The following SPAG17 variants were observed in gnomAD, a reference collection of about 807,000 sequenced individuals.
SPAG17 encodes sperm-associated antigen 17.
SPAG17 carries 169 observed loss-of-function variants against 273.6 expected under a neutral mutation model. The ratio of observed to expected loss-of-function variants is 0.62; its 90% CI spans 0.55 to 0.70. The LOEUF is 0.70. Among genes scored for constraint, SPAG17 ranks in the 30% least tolerant of loss-of-function variants. The pLI is 0.00. For missense variants in SPAG17, 2,557 were observed against 2,627.8 expected (o/e 0.97, Z 0.59); for synonymous variants, 825 against 873.2 (o/e 0.94, Z 0.97).
chr1:118,047,663 A>C (rs1489211746), intron 20 of SPAG17, among the ~76,000 whole-genome samples: 3 of 152,050 alleles, frequency 2.0e-5, no homozygotes, highest in African/African-American at 4.8e-5. Flanking sequence ...GCCAGCACCC[A>C]TGCTCTCCAG....
intron 32 of SPAG17, 143 bp from the exon 33 acceptor site, chr1:117,996,886 A>G (rs1007127888): frequency 5.0e-6 from 4 of 795,306 alleles, no homozygotes; most frequent in Non-Finnish European, 7.7e-6. Context: ...TTGTTTACTA[A>G]GTAGAGACTG....
At position 117,992,519 on chromosome 1, in the gene SPAG17, G is replaced by A. The variant is rs1310071510; in HGVS notation, c.5308C>T (p.Gln1770Ter). 2 of 1,613,626 alleles carry A rather than the reference G, an allele frequency of 1.2e-6. No homozygotes were observed. Among genetic ancestry groups the A allele is most frequent in the Admixed American group, 1.7e-5 (1 of 59,942 alleles). The change falls in exon 36 of 49, where the codon CAG becomes TAG. Residue 1770 changes from glutamine (Q) to a stop codon, truncating the protein, a stop_gained. Coordinates refer to ENST00000336338, the MANE Select transcript of SPAG17 (RefSeq NM_206996.4). LOFTEE classifies it high-confidence loss of function. ...ACCTCATTCTTTATGACCTCATGCT[G>A]AATGAATTGGCGCATCTGTAGCACA... ...PSVLQMRQFI[Q>*]HEVIKNEVKL...
At position 117,953,979 on chromosome 1, in the gene SPAG17, G is replaced by T; in HGVS notation, c.*71C>A. ...CTGGGATGATGGAGTATGTTGTGAT[G>T]ACTTCTTTCCTTTCTCATCCTCTGT... On this transcript the variant is annotated 3_prime_UTR_variant, in exon 49 of 49. Coordinates refer to ENST00000336338, the MANE Select transcript of SPAG17 (RefSeq NM_206996.4). The T allele has an allele frequency of 6.3e-7, 1 of 1,582,068 alleles. No homozygotes were observed. The highest frequency in any genetic ancestry group is 1.1e-5 in the South Asian group (1 of 88,488).
At chr1:118,072,390 T>C (rs746023490) in intron 17 of SPAG17, among the ~76,000 whole-genome samples, 2 of 151,958 alleles carry the variant, frequency 1.3e-5, no homozygotes, top group Non-Finnish European at 2.9e-5. Context: ...GGTATCTAAC[T>C]GGAAAGGAAG....
At chr1:117,982,241 A>ATTTTTT (rs763137879) in intron 42 of SPAG17, among the ~76,000 whole-genome samples, 2 of 132,758 alleles carry the variant, frequency 1.5e-5, no homozygotes, top group South Asian at 2.4e-4. Context: ...CTATCTGCTT[A>ATTTTTT]TTTTTTTTTT....
At chr1:117,966,320 TGATA>T (rs1324095893) in intron 47 of SPAG17, 2 of 237,372 alleles carry the variant, frequency 8.4e-6, no homozygotes, top group Non-Finnish European at 1.6e-5. Context: ...AATTTTTTTG[TGATA>T]GATACTTGCT....
chr1:117,988,073 AC>A, intron 39 of SPAG17, 31 bp downstream of exon 39: 1 of 1,549,508 alleles, frequency 6.5e-7, no homozygotes, highest in Non-Finnish European at 8.7e-7. Context: ...CATACCTAAT[AC>A]TAATTAGAAC....
intron 24 of SPAG17, among the ~76,000 whole-genome samples, chr1:118,036,313 A>G (rs1649066145): frequency 6.6e-6 from 1 of 152,078 alleles, no homozygotes; most frequent in African/African-American, 2.4e-5. Context: ...AGCACACTGA[A>G]CCGTTCTATA....
intron 18 of SPAG17, among the ~76,000 whole-genome samples, chr1:118,066,300 A>G (rs1474268937): frequency 6.6e-6 from 1 of 152,136 alleles, no homozygotes; most frequent in Non-Finnish European, 1.5e-5. Context: ...ACTAACCCCT[A>G]GGCTCTCAGT....
At chr1:117,999,398 TC>T (rs1428399231) in intron 32 of SPAG17, among the ~76,000 whole-genome samples, 1 of 152,174 alleles carries the variant, frequency 6.6e-6, no homozygotes, top group African/African-American at 2.4e-5. Context: ...CCTTGAGGAA[TC>T]ACCATACCAT....
In SPAG17 at chr1:117,984,055, A is replaced by T. The variant is rs1656130912; in HGVS notation, c.5770-142T>A. On this transcript the variant is annotated intron_variant, in intron 41 of 48. Transcript: ENST00000336338. ...TTTACAAACTAAAATTCTACAAGAG[A>T]CTGATTAACCCAATTCTAGCTTTTG... The T allele has an allele frequency of 1.9e-5, 10 of 520,914 alleles. No individual in the cohort carries two copies. In the South Asian group the frequency reaches 2.7e-4, roughly 14 times the overall value. 32.3% of individuals were successfully genotyped at this position (520,914 alleles called of 1,614,324 possible).
intron 7 of SPAG17, 95 bp downstream of exon 7, chr1:118,097,575 C>T (rs568207869): frequency 7.5e-5 from 72 of 961,742 alleles, no homozygotes; most frequent in East Asian, 5.5e-5. Flanking sequence ...TTGTAATCAG[C>T]GCTCAGTAAC....
rs202113364 is a variant in SPAG17 at position 118,025,371 on chromosome 1, C to T, written c.3776G>A (p.Arg1259His). 44 of 1,607,494 alleles carry T rather than the reference C, an allele frequency of 2.7e-5. No homozygotes were observed. The highest frequency in any genetic ancestry group is 1.9e-4 in the African/African-American group (14 of 74,486). The change falls in exon 27 of 49, where the codon CGT becomes CAT. Residue 1259 changes from arginine to histidine, a missense_variant. Coordinates refer to ENST00000336338, the MANE Select transcript of SPAG17 (RefSeq NM_206996.4). ...DEEPTWDIMV[R>H]QSYPQRVKHY... ...CTTCACCCTCTGGGGGTAGCTCTGACGGACCATGATGTCCCAGGTGGGTTC... is the reference window on the plus strand; with the variant it reads ...CTTCACCCTCTGGGGGTAGCTCTGATGGACCATGATGTCCCAGGTGGGTTC...
chr1:117,963,697 G>T, intron 48 of SPAG17, 102 bp downstream of exon 48: 1 of 1,085,202 alleles, frequency 9.2e-7, no homozygotes, highest in Non-Finnish European at 1.3e-6. Flanking sequence ...AGGCCAGGTG[G>T]CTTATAGGTT....
chr1:118,087,441 A>ATT (rs1305483087), intron 10 of SPAG17, among the ~76,000 whole-genome samples: 2 of 152,204 alleles, frequency 1.3e-5, no homozygotes, highest in Admixed American at 1.3e-4. Context: ...ACATGTGATC[A>ATT]TTTAAGCCTC....
At chr1:118,144,657 A>G (rs1170164345) in intron 3 of SPAG17, among the ~76,000 whole-genome samples, 1 of 152,160 alleles carries the variant, frequency 6.6e-6, no homozygotes, top group Non-Finnish European at 1.5e-5. Context: ...CTAAATGTGG[A>G]GTGCCGAGGC....
chr1:118,110,256 G>A (rs529009518), intron 4 of SPAG17, among the ~76,000 whole-genome samples: 3 of 152,086 alleles, frequency 2.0e-5, no homozygotes, highest in African/African-American at 7.2e-5. Context: ...ATGATAGAGT[G>A]GACACTGTGA....
intron 18 of SPAG17, among the ~76,000 whole-genome samples, chr1:118,064,887 C>CA (rs1242553772): frequency 6.6e-6 from 1 of 151,440 alleles, no homozygotes; most frequent in African/African-American, 2.4e-5. Flanking sequence ...CAAAAACTAA[C>CA]AAAAAACAAC....
intron 21 of SPAG17, 53 bp from the exon 22 acceptor site, chr1:118,040,894 C>G: frequency 8.1e-7 from 1 of 1,238,932 alleles, no homozygotes. Flanking sequence ...GACAAAAAAT[C>G]AACTTATCAG....
Sources: gnomAD v4.1 joint callset for allele counts (sites outside exome capture counted in the v4.1 genomes callset) on GRCh38, gnomAD v4.1.1 for gene constraint, MANE v1.5 for transcripts, NCBI Gene and HGNC (gene_info 2026-07-23, HGNC 2026-07-21) for gene names.